The following SGCD variants were observed in gnomAD, a reference collection of about 807,000 sequenced individuals.
SGCD encodes the protein delta-sarcoglycan.
A neutral mutation model predicts 36.6 loss-of-function variants in SGCD; 18 were observed. The ratio of observed to expected loss-of-function variants is 0.49; its 90% CI spans 0.34 to 0.73. The LOEUF (loss-of-function observed/expected upper bound fraction) is 0.73, where lower values mean the gene tolerates loss of function less well. SGCD is among the 30% of genes least tolerant of loss of function. The pLI, the probability that SGCD is intolerant of heterozygous loss-of-function variation, is 0.01. For missense variants in SGCD, 387 were observed against 346.7 expected (o/e 1.12, Z -0.92); for synonymous variants, 133 against 130.6 (o/e 1.02, Z -0.12).
intron 3 of SGCD, among the ~76,000 whole-genome samples, chr5:156,451,151 A>T (rs1753992060): frequency 7.0e-6 from 1 of 142,780 alleles, no homozygotes; most frequent in Admixed American, 7.4e-5. Flanking sequence ...CTAAAAATTG[A>T]TGGGTTTGAT....
At chr5:156,535,000 C>A (rs541279657) in intron 4 of SGCD, among the ~76,000 whole-genome samples, 1 of 152,296 alleles carries the variant, frequency 6.6e-6, no homozygotes, top group Admixed American at 6.5e-5. Context: ...ATTCCAGTTG[C>A]AATGCTCAGT....
At chr5:156,195,533 G>T (rs1764003815) in intron 3 of SGCD, among the ~76,000 whole-genome samples, 1 of 152,154 alleles carries the variant, frequency 6.6e-6, no homozygotes, top group South Asian at 2.1e-4. Flanking sequence ...AGTGCCAGGA[G>T]AATTAAATCA....
intron 3 of SGCD, among the ~76,000 whole-genome samples, chr5:156,423,707 T>G (rs1406275804): frequency 6.6e-6 from 1 of 151,908 alleles, no homozygotes; most frequent in Non-Finnish European, 1.5e-5. Context: ...CAGGCTAAAC[T>G]TCAGCATCCT....
At chr5:156,122,744 G>T (rs1762072766) in intron 2 of SGCD, among the ~76,000 whole-genome samples, 1 of 149,330 alleles carries the variant, frequency 6.7e-6, no homozygotes, top group Non-Finnish European at 1.5e-5. Context: ...TCTTACATGG[G>T]TCTGGTGGAG....
intron 4 of SGCD, among the ~76,000 whole-genome samples, chr5:156,574,061 C>A (rs1226790849): frequency 2.6e-5 from 4 of 152,130 alleles, no homozygotes; most frequent in African/African-American, 9.7e-5. Flanking sequence ...CGGCACTATG[C>A]TGCCTGTTTT....
At position 156,697,742 on chromosome 5, in the gene SGCD, T is replaced by TGGAC. The variant is rs559368172; in HGVS notation, c.575+50214_575+50217dup. Among the ~76,000 whole-genome samples, 626 of 147,976 alleles carry TGGAC rather than the reference T, an allele frequency of 4.2e-3. 2 individuals carry two copies. Among genetic ancestry groups the TGGAC allele is most frequent in the South Asian group, 0.013 (61 of 4,670 alleles). On this transcript the variant is annotated intron_variant, in intron 7 of 8. Coordinates refer to ENST00000337851, the MANE Select transcript of SGCD (RefSeq NM_000337.6). ...CCAGTTCCTGGAAGATAGTATTGGA[T>TGGAC]GGACGGACGGATGGATGGATGGATG... is the stretch of plus-strand genomic sequence containing the variant.
At chr5:156,518,639 T>C (rs1757282585) in intron 4 of SGCD, among the ~76,000 whole-genome samples, 1 of 152,082 alleles carries the variant, frequency 6.6e-6, no homozygotes, top group Non-Finnish European at 1.5e-5. Flanking sequence ...GCAAAATAAC[T>C]GAAATCATAA....
At chr5:156,608,651 G>T (rs1268458011) in intron 6 of SGCD, among the ~76,000 whole-genome samples, 3 of 152,160 alleles carry the variant, frequency 2.0e-5, no homozygotes, top group Admixed American at 2.0e-4. Context: ...GGGTGTTAAA[G>T]TCTCCCCTTA....
At chr5:155,811,739 C>T in the SGCD span, among the ~76,000 whole-genome samples, 24 of 152,152 alleles carry the variant, frequency 1.6e-4, no homozygotes, top group Non-Finnish European at 2.8e-4. Context: ...GGGGTCACCG[C>T]CTTCTGGTTT....
chr5:156,316,137 A>T (rs1010476725), intron 3 of SGCD, among the ~76,000 whole-genome samples: 1 of 151,972 alleles, frequency 6.6e-6, no homozygotes, highest in African/African-American at 2.4e-5. Flanking sequence ...ATAGGATGCA[A>T]AGTCAACATA....
At chr5:156,711,987 G>C (rs1348579782) in intron 7 of SGCD, among the ~76,000 whole-genome samples, 1 of 152,182 alleles carries the variant, frequency 6.6e-6, no homozygotes, top group African/African-American at 2.4e-5. Flanking sequence ...CTAACTTCCT[G>C]ATGTTGCCAT....
chr5:156,150,130 G>A (rs1198776056), intron 3 of SGCD, among the ~76,000 whole-genome samples: 6 of 152,064 alleles, frequency 3.9e-5, no homozygotes, highest in Non-Finnish European at 2.9e-5. Flanking sequence ...TATCCTTTAG[G>A]AAAGTCTTCA....
At chr5:155,919,966 C>A (rs1395538442) in intron 1 of SGCD, among the ~76,000 whole-genome samples, 1 of 152,116 alleles carries the variant, frequency 6.6e-6, no homozygotes, top group Non-Finnish European at 1.5e-5. Flanking sequence ...TGCAGTGATT[C>A]TAGCCTTTCT....
chr5:156,578,374 CT>C (rs565454308), intron 4 of SGCD, among the ~76,000 whole-genome samples: 11 of 151,936 alleles, frequency 7.2e-5, no homozygotes, highest in Non-Finnish European at 1.6e-4. Context: ...CTAAAATTCT[CT>C]TTTTTTTGTA....
At chr5:156,425,546 C>G (rs1195914606) in intron 3 of SGCD, among the ~76,000 whole-genome samples, 1 of 151,876 alleles carries the variant, frequency 6.6e-6, no homozygotes, top group Non-Finnish European at 1.5e-5. Flanking sequence ...TTTTTCTCTA[C>G]TTGGATGACG....
chr5:155,816,019 C>G, the SGCD span, among the ~76,000 whole-genome samples: 1 of 152,166 alleles, frequency 6.6e-6, no homozygotes, highest in East Asian at 1.9e-4. Context: ...TGAGCTTTCC[C>G]TGCATGAAAA....
chr5:155,917,931 G>A (rs1756789073), intron 1 of SGCD, among the ~76,000 whole-genome samples: 1 of 152,088 alleles, frequency 6.6e-6, no homozygotes, highest in African/African-American at 2.4e-5. Flanking sequence ...CTTGAAGCAG[G>A]AGTTAATGGT....
At chr5:155,918,558 A>G (rs1215694673) in intron 1 of SGCD, among the ~76,000 whole-genome samples, 1 of 152,224 alleles carries the variant, frequency 6.6e-6, no homozygotes. Flanking sequence ...GTGAGGCTCC[A>G]TCTCAAAAGA....
intron 3 of SGCD, among the ~76,000 whole-genome samples, chr5:156,212,395 G>C (rs902796188): frequency 6.6e-6 from 1 of 151,992 alleles, no homozygotes; most frequent in Admixed American, 6.6e-5. Context: ...AAAAGAAAGA[G>C]AAAAAGAAGG....
Sources: gnomAD v4.1 joint callset for allele counts (sites outside exome capture counted in the v4.1 genomes callset) on GRCh38, gnomAD v4.1.1 for gene constraint, MANE v1.5 for transcripts, NCBI Gene and HGNC (gene_info 2026-07-23, HGNC 2026-07-21) for gene names.